The following PALD1 variants were observed in gnomAD, a reference collection of about 807,000 sequenced individuals.
The protein encoded by PALD1 is phosphatase domain containing paladin 1.
Under a neutral mutation model 96.0 loss-of-function variants are expected in PALD1, and 57 were observed. The ratio of observed to expected loss-of-function variants is 0.59; its 90% CI spans 0.48 to 0.74. The LOEUF is 0.74. Among genes scored for constraint, PALD1 ranks in the 30% least tolerant of loss-of-function variants. The pLI, the probability that PALD1 is intolerant of heterozygous loss-of-function variation, is 0.00. For synonymous variants in PALD1, 464 were observed against 473.6 expected (o/e 0.98, Z 0.26); for missense variants, 1,063 against 1,143.7 (o/e 0.93, Z 1.02).
intron 17 of PALD1, among the ~76,000 whole-genome samples, chr10:70,543,590 C>G (rs1210025129): frequency 6.6e-6 from 1 of 152,052 alleles, no homozygotes; most frequent in Admixed American, 6.5e-5. Flanking sequence ...TAAGTTTATT[C>G]TTTTGCATGT....
At chr10:70,556,338 T>C (rs66725213) in intron 18 of PALD1, among the ~76,000 whole-genome samples, 79,787 of 149,532 alleles carry the variant, frequency 0.53, 22,090 homozygotes, top group Middle Eastern at 0.71. Context: ...CTTTTTGAGA[T>C]GGGGTCTTGC....
chr10:70,496,139 C>T lies in PALD1; in HGVS notation c.-30+17080C>T, dbSNP rs555509944. ...TATCAGGACTTGAACTCTGGTCTTT[C>T]GGACTCCCAGCCCATGTTCTTACCC... On this transcript the variant is annotated intron_variant, in intron 1 of 19. Transcript: ENST00000263563. 1.4e-4 allele frequency among the ~76,000 whole-genome samples: 21 copies of T among 152,244 alleles called. No homozygotes were observed. In the South Asian group the frequency reaches 2.5e-3, roughly 18 times the overall value.
intron 18 of PALD1, among the ~76,000 whole-genome samples, 188 bp downstream of exon 18, chr10:70,547,634 C>T (rs1393248054): frequency 2.0e-5 from 3 of 152,194 alleles, no homozygotes; most frequent in Admixed American, 6.5e-5. Context: ...AGCCCCGACC[C>T]ACTGGTATGG....
chr10:70,502,888 C>T (rs1430211954), intron 1 of PALD1, among the ~76,000 whole-genome samples: 2 of 151,982 alleles, frequency 1.3e-5, no homozygotes, highest in Admixed American at 1.3e-4. Context: ...TCTCTTCTCT[C>T]TTTTCTTTTC....
In PALD1 at chr10:70,502,247, G is replaced by A. The variant is rs1188278173; in HGVS notation, c.-30+23188G>A. Among the ~76,000 whole-genome samples the A allele has an allele frequency of 2.6e-5, 4 of 152,318 alleles. No homozygotes were observed. In the East Asian group the frequency reaches 7.7e-4, roughly 29 times the overall value. ...TAGTTTTGCCTGTTTTTGAGTTTTA[G>A]ATAAATGGAATCATGTAGTATTTGC... On this transcript the variant is annotated intron_variant, in intron 1 of 19. Transcript: ENST00000263563.
intron 17 of PALD1, among the ~76,000 whole-genome samples, chr10:70,543,505 T>G (rs1847296807): frequency 6.6e-6 from 1 of 152,190 alleles, no homozygotes. Context: ...ACTTTTATAG[T>G]TTTTAACTCT....
chr10:70,547,401 C>T lies in PALD1; in HGVS notation c.2217C>T (p.Pro739=), dbSNP rs754623247. ...ACACTGTCAGCGAGACCATGACGCC[C>T]ATGCACTACCACCTGCGGGAGATCA... ...ALDTVSETMT[P]MHYHLREIII... is the part of the protein sequence containing the mutation. Residue 739 remains proline (P), a synonymous_variant, in exon 18 of 20, where the codon CCC becomes CCT. Transcript: ENST00000263563. The T allele has an allele frequency of 3.1e-6, 5 of 1,613,024 alleles. No homozygotes were observed. Among genetic ancestry groups the T allele is most frequent in the Non-Finnish European group, 2.5e-6 (3 of 1,179,546 alleles).
chr10:70,543,995 C>G (rs547315644), intron 17 of PALD1, among the ~76,000 whole-genome samples: 5 of 152,292 alleles, frequency 3.3e-5, no homozygotes, highest in Non-Finnish European at 4.4e-5. Flanking sequence ...GACCTGAAGA[C>G]ACCCCTGTAC....
At chr10:70,503,447 C>T (rs1448169602) in intron 1 of PALD1, among the ~76,000 whole-genome samples, 2 of 152,036 alleles carry the variant, frequency 1.3e-5, no homozygotes, top group East Asian at 3.9e-4. Context: ...AACAGCCTGG[C>T]CAACATGGCA....
chr10:70,554,943 TCCCCCTCCTCC>T (rs1847568522), intron 18 of PALD1, among the ~76,000 whole-genome samples: 4 of 316 alleles, frequency 0.013, no homozygotes, highest in African/African-American at 0.037. Flanking sequence ...CCCCCTCCCC[TCCCCCTCCTCC>T]CCCCTCCCCT....
intron 1 of PALD1, among the ~76,000 whole-genome samples, chr10:70,489,777 A>G (rs555385094): frequency 6.6e-6 from 1 of 152,120 alleles, no homozygotes; most frequent in African/African-American, 2.4e-5. Flanking sequence ...ATTTTCATCA[A>G]CCTCAAAAGA....
At chr10:70,525,860 G>A in intron 1 of PALD1, 63 bp from the exon 2 acceptor site, 2 of 1,344,128 alleles carry the variant, frequency 1.5e-6, no homozygotes, top group Non-Finnish European at 2.1e-6. Context: ...CGAGAGGTGG[G>A]TCAGGTCTCC....
chr10:70,509,913 G>T (rs1252646055), intron 1 of PALD1, among the ~76,000 whole-genome samples: 2 of 152,216 alleles, frequency 1.3e-5, no homozygotes, highest in Non-Finnish European at 2.9e-5. Flanking sequence ...AAAGAATTCA[G>T]CCGCTGAAAT....
At chr10:70,548,382 G>T (rs1026352281) in intron 18 of PALD1, among the ~76,000 whole-genome samples, 2 of 152,162 alleles carry the variant, frequency 1.3e-5, no homozygotes, top group African/African-American at 2.4e-5. Flanking sequence ...GTGCCCTCAA[G>T]CCTGCCTGGG....
At chr10:70,538,789 C>G (rs1251499627) in intron 12 of PALD1, 103 bp from the exon 13 acceptor site, 9 of 945,752 alleles carry the variant, frequency 9.5e-6, no homozygotes, top group Non-Finnish European at 1.2e-5. Context: ...AACTGTGAAG[C>G]TCGGGTTCCA....
intron 1 of PALD1, among the ~76,000 whole-genome samples, chr10:70,497,735 T>TTGTG (rs374050355): frequency 1.3e-5 from 2 of 151,200 alleles, no homozygotes; most frequent in Non-Finnish European, 3.0e-5. Flanking sequence ...CCTGGCTAAT[T>TTGTG]TGTGTGTGTG....
the PALD1 span, among the ~76,000 whole-genome samples, chr10:70,463,016 G>A: frequency 6.6e-6 from 1 of 152,328 alleles, no homozygotes; most frequent in East Asian, 1.9e-4. Flanking sequence ...TCTGGCGTGG[G>A]TCTTTTTCCT....
intron 15 of PALD1, 53 bp from the exon 16 acceptor site, chr10:70,541,049 G>T (rs755458515): frequency 2.6e-6 from 4 of 1,532,580 alleles, no homozygotes; most frequent in Admixed American, 2.1e-5. Context: ...CCCTGTTGGG[G>T]TTTGTGCATC....
chr10:70,529,893 G>A lies in PALD1; in HGVS notation c.293G>A (p.Arg98His), dbSNP rs779522965. 14 of 1,613,514 alleles carry A rather than the reference G, an allele frequency of 8.7e-6. No individual in the cohort carries two copies. Among genetic ancestry groups the A allele is most frequent in the East Asian group, 4.5e-5 (2 of 44,784 alleles). The change falls in exon 4 of 20, where the codon CGC (arginine) becomes CAC (histidine). Residue 98 changes from arginine (R) to histidine (H), a missense_variant. Transcript: ENST00000263563. Reference protein sequence around the residue: ...NTPEHYLVQGRYFLVRDVTEK... With the variant: ...NTPEHYLVQGHYFLVRDVTEK... ...CCTGTGGCTCTCCCCTGCCAGGGCCGCTACTTCCTGGTGCGGGATGTCACT... is the reference window on the plus strand; with the variant it reads ...CCTGTGGCTCTCCCCTGCCAGGGCCACTACTTCCTGGTGCGGGATGTCACT...
Sources: gnomAD v4.1 joint callset for allele counts (sites outside exome capture counted in the v4.1 genomes callset) on GRCh38, gnomAD v4.1.1 for gene constraint, MANE v1.5 for transcripts, NCBI Gene and HGNC (gene_info 2026-07-23, HGNC 2026-07-21) for gene names.